Variants in FSTL5 observed in about 807,000 individuals in gnomAD.
The protein encoded by FSTL5 is follistatin like 5, also known as follistatin-related protein 5.
In FSTL5, 62 loss-of-function variants were observed where a neutral mutation model predicts 89.1. The observed-to-expected ratio is 0.70, with a 90% confidence interval of 0.57 to 0.86. FSTL5 has a LOEUF of 0.86. Ranked by LOEUF, FSTL5 falls within the 40% of genes least tolerant of loss-of-function variation. FSTL5 has a pLI of 0.00. For missense variants in FSTL5, 1,057 were observed against 1,001.6 expected (o/e 1.06, Z -0.75); for synonymous variants, 383 against 346.2 (o/e 1.11, Z -1.18).
intron 4 of FSTL5, among the ~76,000 whole-genome samples, chr4:161,793,484 T>C (rs769534363): frequency 1.3e-5 from 2 of 152,218 alleles, no homozygotes; most frequent in African/African-American, 2.4e-5. Flanking sequence ...AGGAGGCTGA[T>C]GTAACACTGA....
chr4:161,465,766 C>T (rs919854791), intron 13 of FSTL5, among the ~76,000 whole-genome samples: 1 of 152,112 alleles, frequency 6.6e-6, no homozygotes, highest in Non-Finnish European at 1.5e-5. Context: ...GTGATAGCTT[C>T]CAATTATATA....
chr4:161,641,441 A>AG (rs35909524), intron 7 of FSTL5, among the ~76,000 whole-genome samples: 78,027 of 151,278 alleles, frequency 0.52, 20,601 homozygotes, highest in African/African-American at 0.63. Flanking sequence ...GAGCTGTTAA[A>AG]GAGCAGAATT....
chr4:162,066,379 T>TCTTCTTCTC (rs1561000641), intron 2 of FSTL5, among the ~76,000 whole-genome samples: 2 of 137,042 alleles, frequency 1.5e-5, no homozygotes, highest in Non-Finnish European at 3.2e-5. Flanking sequence ...TTCTCCTTCT[T>TCTTCTTCTC]CTTCTTCTTC....
chr4:162,163,437 G>GTAATAATAATAATAATAA (rs34283366), intron 1 of FSTL5, among the ~76,000 whole-genome samples, 178 bp downstream of exon 1: 29 of 140,682 alleles, frequency 2.1e-4, no homozygotes, highest in South Asian at 2.2e-4. Flanking sequence ...AGATTGTCTT[G>GTAATAATAATAATAATAA]TAATAATAAT....
At chr4:161,562,917 G>A (rs565773796) in intron 8 of FSTL5, among the ~76,000 whole-genome samples, 23 of 151,810 alleles carry the variant, frequency 1.5e-4, no homozygotes, top group African/African-American at 5.6e-4. Context: ...TTTTGTAGTT[G>A]GCTTATTTCA....
At chr4:161,900,634 A>G (rs1449376913) in intron 4 of FSTL5, among the ~76,000 whole-genome samples, 1 of 67,258 alleles carries the variant, frequency 1.5e-5, no homozygotes, top group African/African-American at 5.0e-5. Context: ...GCGAGACTCC[A>G]TCTCAAAAAA....
chr4:161,397,492 T>A (rs182787110), intron 15 of FSTL5, among the ~76,000 whole-genome samples: 3 of 151,516 alleles, frequency 2.0e-5, no homozygotes, highest in African/African-American at 7.3e-5. Context: ...ATCTAGAGTA[T>A]TGAGGTAATT....
intron 7 of FSTL5, among the ~76,000 whole-genome samples, chr4:161,644,465 G>C (rs984069490): frequency 1.8e-4 from 28 of 151,662 alleles, no homozygotes; most frequent in African/African-American, 6.8e-4. Flanking sequence ...GGTGGAGGTT[G>C]TAGTGAGCCG....
intron 6 of FSTL5, among the ~76,000 whole-genome samples, chr4:161,685,769 T>C (rs1197674836): frequency 6.6e-6 from 1 of 152,168 alleles, no homozygotes; most frequent in Non-Finnish European, 1.5e-5. Context: ...CTTATCTGAT[T>C]ACCATGGCTT....
intron 4 of FSTL5, among the ~76,000 whole-genome samples, chr4:161,853,570 C>T (rs1167772448): frequency 6.6e-6 from 1 of 151,468 alleles, no homozygotes; most frequent in East Asian, 1.9e-4. Flanking sequence ...GAACATTTCA[C>T]TCTTAAAAAG....
intron 1 of FSTL5, among the ~76,000 whole-genome samples, chr4:162,160,284 G>T (rs899882479): frequency 6.6e-6 from 1 of 151,754 alleles, no homozygotes; most frequent in Non-Finnish European, 1.5e-5. Flanking sequence ...ATACTAAGGT[G>T]ATTTAAAACA....
At chr4:162,013,380 T>G (rs890547289) in intron 3 of FSTL5, among the ~76,000 whole-genome samples, 2 of 152,126 alleles carry the variant, frequency 1.3e-5, no homozygotes, top group African/African-American at 4.8e-5. Flanking sequence ...ACAACATTAG[T>G]GTAACACATA....
At chr4:161,665,459 T>G (rs1736860069) in intron 6 of FSTL5, among the ~76,000 whole-genome samples, 1 of 152,212 alleles carries the variant, frequency 6.6e-6, no homozygotes, top group South Asian at 2.1e-4. Context: ...GGTCTCGATC[T>G]CCTGACCTCG....
chr4:161,793,828 C>T (rs898709875), intron 4 of FSTL5, among the ~76,000 whole-genome samples: 4 of 151,976 alleles, frequency 2.6e-5, no homozygotes, highest in African/African-American at 9.7e-5. Context: ...AAGCTGGTCT[C>T]GAATTCCTGA....
At chr4:161,581,509 G>A (rs1365896787) in intron 8 of FSTL5, among the ~76,000 whole-genome samples, 1 of 152,184 alleles carries the variant, frequency 6.6e-6, no homozygotes, top group Non-Finnish European at 1.5e-5. Context: ...TGTTCCCTAT[G>A]ACCAAATGAG....
At chr4:162,118,721 A>G (rs1731744559) in intron 1 of FSTL5, among the ~76,000 whole-genome samples, 1 of 152,182 alleles carries the variant, frequency 6.6e-6, no homozygotes, top group African/African-American at 2.4e-5. Context: ...ACTGCCTTTC[A>G]TGTTGTATAT....
chr4:161,857,665 A>G (rs1458537181), intron 4 of FSTL5, among the ~76,000 whole-genome samples: 1 of 152,118 alleles, frequency 6.6e-6, no homozygotes, highest in Non-Finnish European at 1.5e-5. Context: ...TAATTATCAC[A>G]TCCCCACTAT....
chr4:161,507,518 T>C (rs995482716), intron 11 of FSTL5, among the ~76,000 whole-genome samples: 1 of 151,834 alleles, frequency 6.6e-6, no homozygotes, highest in African/African-American at 2.4e-5. Flanking sequence ...ATATTAGATC[T>C]TATTCATCTA....
In FSTL5 at chr4:161,950,277, T is replaced by G. The variant is rs147535667; in HGVS notation, c.161-29625A>C. Among the ~76,000 whole-genome samples the G allele has an allele frequency of 1.1e-4, 16 of 152,300 alleles. No individual in the cohort carries two copies. In the East Asian group the frequency reaches 3.1e-3, roughly 29 times the overall value. On this transcript the variant is annotated intron_variant, in intron 3 of 15. Coordinates refer to ENST00000306100, the MANE Select transcript of FSTL5 (RefSeq NM_020116.5). ...TTTAGAATGTTTTAACATGGGAGAC[T>G]TAACTCTTACCTATTTTAATTCCTG...
Sources: gnomAD v4.1 joint callset for allele counts (sites outside exome capture counted in the v4.1 genomes callset) on GRCh38, gnomAD v4.1.1 for gene constraint, MANE v1.5 for transcripts, NCBI Gene and HGNC (gene_info 2026-07-23, HGNC 2026-07-21) for gene names.